TBC1D23: variants seen among roughly 807,000 people sequenced by gnomAD.
The protein encoded by TBC1D23 is HCV non-structural protein 4A-transactivated protein 1.
In TBC1D23, 55 loss-of-function variants were observed where a neutral mutation model predicts 91.4. The observed-to-expected ratio is 0.60, with a 90% CI of 0.48 to 0.75. The LOEUF (loss-of-function observed/expected upper bound fraction) is 0.75. Among genes scored for constraint, TBC1D23 ranks in the 30% least tolerant of loss-of-function variants. TBC1D23 has a pLI of 0.00. For synonymous variants in TBC1D23, 289 were observed against 281.0 expected (o/e 1.03, Z -0.28); for missense variants, 725 against 836.1 (o/e 0.87, Z 1.64).
Position 100,319,166 on chromosome 3 carries a change from T to A in TBC1D23, c.1785T>A (p.Pro595=), listed in dbSNP as rs1705806514. 2 of 1,610,484 alleles carry A rather than the reference T, an allele frequency of 1.2e-6. No individual in the cohort carries two copies. The highest frequency in any genetic ancestry group is 1.3e-5 in the African/African-American group (1 of 74,812). ...AACCAGATGTCAAACATCATTTTCCTTGTAAAGAAGTAAAAGAAAGTGGAC... is the reference window on the plus strand; with the variant it reads ...AACCAGATGTCAAACATCATTTTCCATGTAAAGAAGTAAAAGAAAGTGGAC... ...INKPDVKHHF[P]CKEVKESGHM... The change falls in exon 17 of 19, where the codon CCT becomes CCA. Residue 595 remains proline (P), a synonymous_variant. Transcript: ENST00000394144.
intron 1 of TBC1D23, among the ~76,000 whole-genome samples, chr3:100,262,426 T>C (rs1276793802): frequency 6.6e-6 from 1 of 152,066 alleles, no homozygotes; most frequent in Non-Finnish European, 1.5e-5. Context: ...AGTAGCAGCA[T>C]TTAAAACTGA....
intron 1 of TBC1D23, among the ~76,000 whole-genome samples, chr3:100,274,712 G>T (rs1161450850): frequency 6.7e-6 from 1 of 149,714 alleles, no homozygotes. Context: ...CTATGTCGTA[G>T]CATGTGTCAG....
chr3:100,285,362 C>T (rs1423446929), intron 4 of TBC1D23, among the ~76,000 whole-genome samples: 1 of 152,044 alleles, frequency 6.6e-6, no homozygotes, highest in African/African-American at 2.4e-5. Context: ...TTTGTGACTG[C>T]CTTTAATGTT....
intron 1 of TBC1D23, among the ~76,000 whole-genome samples, chr3:100,278,811 A>G (rs2067671559): frequency 1.3e-5 from 2 of 152,250 alleles, no homozygotes; most frequent in South Asian, 4.1e-4. Context: ...TAAACATCGT[A>G]GACTGAACAA....
intron 1 of TBC1D23, among the ~76,000 whole-genome samples, chr3:100,275,515 T>C (rs2067641766): frequency 6.6e-6 from 1 of 152,200 alleles, no homozygotes; most frequent in East Asian, 1.9e-4. Flanking sequence ...CTCAAACTCC[T>C]GGGCTCAAGC....
chr3:100,281,740 A>T lies in TBC1D23; in HGVS notation c.166-2A>T. ...TAGTCACTTTTTAAATCTTTCTTCC[A>T]GATTGCTCTGAATGTTGCAGGAAAA... On this transcript the variant is annotated splice_acceptor_variant, in intron 2 of 18. Transcript: ENST00000394144. LOFTEE classifies it high-confidence loss of function. 1 of 1,601,466 alleles carries T rather than the reference A, an allele frequency of 6.2e-7. No individual in the cohort carries two copies. The highest frequency in any genetic ancestry group is 8.6e-7 in the Non-Finnish European group (1 of 1,169,272).
intron 3 of TBC1D23, among the ~76,000 whole-genome samples, chr3:100,283,183 G>C (rs1232830899): frequency 6.6e-6 from 1 of 152,292 alleles, no homozygotes; most frequent in South Asian, 2.1e-4. Flanking sequence ...GACCAGCCTG[G>C]CCAACATGGT....
chr3:100,295,289 T>C lies in TBC1D23; in HGVS notation c.726-13T>C. The C allele has an allele frequency of 6.2e-7, 1 of 1,607,874 alleles. No individual in the cohort carries two copies. The highest frequency in any genetic ancestry group is 8.5e-7 in the Non-Finnish European group (1 of 1,178,030). On this transcript the variant is annotated splice_polypyrimidine_tract_variant and intron_variant, in intron 6 of 18. Transcript: ENST00000394144. ...TAATATTTAACTCAAATTGATTTGA[T>C]TCCCTTTTACAGAGAAGTTATTTTA...
intron 4 of TBC1D23, among the ~76,000 whole-genome samples, chr3:100,285,653 G>A (rs1300995781): frequency 6.6e-6 from 1 of 152,142 alleles, no homozygotes; most frequent in Non-Finnish European, 1.5e-5. Flanking sequence ...GGAATTGCCG[G>A]ATTTTTCCAT....
At chr3:100,317,982 G>A (rs1470971712) in intron 16 of TBC1D23, among the ~76,000 whole-genome samples, 4 of 150,586 alleles carry the variant, frequency 2.7e-5, no homozygotes, top group Non-Finnish European at 5.9e-5. Flanking sequence ...ATACATTTAA[G>A]TATAGAATAC....
rs1398679546 is a variant in TBC1D23 at position 100,262,735 on chromosome 3, A to AC, written c.53+1664_53+1665insC. 4.6e-3 allele frequency among the ~76,000 whole-genome samples: 694 copies of AC among 151,240 alleles called. 13 individuals carry two copies. Among genetic ancestry groups the AC allele is most frequent in the African/African-American group, 0.015 (637 of 41,326 alleles). The stretch of plus-strand genomic sequence containing the variant: ...TGAGGCTCGGTCTCAAAAAAAAAAA[A>AC]AAAAAAAAAACACTAAAAAGAAACA... On this transcript the variant is annotated intron_variant, in intron 1 of 18. Coordinates refer to ENST00000394144, the MANE Select transcript of TBC1D23 (RefSeq NM_001199198.3).
At chr3:100,279,572 C>A in intron 1 of TBC1D23, 77 bp from the exon 2 acceptor site, 3 of 972,402 alleles carry the variant, frequency 3.1e-6, no homozygotes, top group Non-Finnish European at 4.6e-6. Flanking sequence ...CTTTAATAGG[C>A]CATGCTTATA....
intron 5 of TBC1D23, among the ~76,000 whole-genome samples, chr3:100,291,778 A>C (rs988219041): frequency 6.7e-6 from 1 of 148,982 alleles, no homozygotes; most frequent in Non-Finnish European, 1.5e-5. Flanking sequence ...ATGGATTATC[A>C]TATCTGCTTT....
At chr3:100,281,955 T>C (rs1335975917) in intron 3 of TBC1D23, 108 bp downstream of exon 3, 2 of 598,894 alleles carry the variant, frequency 3.3e-6, no homozygotes, top group East Asian at 3.0e-5. Flanking sequence ...GTAAAAGGCT[T>C]GTAAATAGCT....
intron 18 of TBC1D23, among the ~76,000 whole-genome samples, 160 bp downstream of exon 18, chr3:100,321,131 G>A (rs1449483072): frequency 6.6e-6 from 1 of 152,120 alleles, no homozygotes; most frequent in Admixed American, 6.5e-5. Flanking sequence ...GGAGTCCTTA[G>A]TCATGTGTGG....
At chr3:100,275,765 G>A (rs1012022132) in intron 1 of TBC1D23, among the ~76,000 whole-genome samples, 3 of 152,124 alleles carry the variant, frequency 2.0e-5, no homozygotes, top group African/African-American at 7.2e-5. Context: ...CAACTCAAAA[G>A]CCCATTATGT....
At chr3:100,314,102 T>TTC (rs1705683371) in intron 15 of TBC1D23, among the ~76,000 whole-genome samples, 2 of 141,688 alleles carry the variant, frequency 1.4e-5, no homozygotes, top group East Asian at 4.0e-4. Context: ...TTTTTTTTTT[T>TTC]TTTTTTTTTT....
At chr3:100,279,075 GATATGACATGTGACCATA>G (rs1369411895) in intron 1 of TBC1D23, among the ~76,000 whole-genome samples, 3 of 152,166 alleles carry the variant, frequency 2.0e-5, no homozygotes, top group Non-Finnish European at 4.4e-5. Flanking sequence ...CTCTACTGCT[GATATGACATGTGACCATA>G]ATATGACATG....
At chr3:100,322,315 C>G (rs1219533250) in intron 18 of TBC1D23, among the ~76,000 whole-genome samples, 1 of 151,950 alleles carries the variant, frequency 6.6e-6, no homozygotes, top group East Asian at 1.9e-4. Context: ...GGATGGTCTC[C>G]ATCTCCTGAC....
Sources: allele counts gnomAD v4.1 joint callset (sites outside exome capture counted in the v4.1 genomes callset), GRCh38; gene constraint gnomAD v4.1.1; transcripts MANE v1.5; gene names NCBI Gene and HGNC (gene_info 2026-07-23, HGNC 2026-07-21).